Variants in TPMT observed in about 807,000 individuals in gnomAD.
TPMT encodes thiopurine S-methyltransferase, also known as S-adenosyl-L-methionine:thiopurine S-methyltransferase.
TPMT carries 18 observed loss-of-function variants against 34.2 expected under a neutral mutation model. The ratio of observed to expected loss-of-function variants is 0.53; its 90% CI spans 0.36 to 0.78. The LOEUF (loss-of-function observed/expected upper bound fraction) is 0.78, where lower values mean the gene tolerates loss of function less well. Among genes scored for constraint, TPMT ranks in the 30% least tolerant of loss-of-function variants. The pLI is 0.00. For synonymous variants in TPMT, 69 were observed against 92.4 expected (o/e 0.75, Z 1.45); for missense variants, 265 against 288.1 (o/e 0.92, Z 0.58).
Position 18,130,707 on chromosome 6 carries a change from G to A in TPMT, c.699C>T (p.Asp233=). The change falls in exon 9 of 9, where the codon GAC becomes GAT. Residue 233 remains aspartate (D), a synonymous_variant. Transcript: ENST00000309983. The surrounding 1 kb of genome is among the most constrained non-coding windows in gnomAD (Gnocchi z 4.2). ...GTAGATATAACTTTTCAAAAAGACA[G>A]TCAATTCCCCAACTTTTATGTCGTT... The part of the protein sequence containing the change: ...FEERHKSWGI[D]CLFEKLYLLT... 1 of 1,612,964 alleles carries A rather than the reference G, an allele frequency of 6.2e-7. No homozygotes were observed. The highest frequency in any genetic ancestry group is 8.5e-7 in the Non-Finnish European group (1 of 1,179,828).
At position 18,148,572 on chromosome 6, in the gene TPMT, C is replaced by T. The variant is rs576770163; in HGVS notation, c.140+416G>A. Among the ~76,000 whole-genome samples the T allele has an allele frequency of 6.6e-6, 1 of 152,346 alleles. No individual in the cohort carries two copies. Among genetic ancestry groups the T allele is most frequent in the East Asian group, 1.9e-4 (1 of 5,188 alleles). ...TTTATAATTTCTCGCAACTTCTTTT[C>T]TCCCACCATAGAGATAATTCTTTAA... On this transcript the variant is annotated intron_variant, in intron 2 of 8. Transcript: ENST00000309983. The surrounding 1 kb of genome is among the most constrained non-coding windows in gnomAD (Gnocchi z 4.1).
rs760500746 is a variant in TPMT, at chr6:18,136,734, T to C, written c.494+2229A>G. Among the ~76,000 whole-genome samples the C allele has an allele frequency of 2.6e-5, 4 of 152,144 alleles. No individual in the cohort carries two copies. Among genetic ancestry groups the C allele is most frequent in the Non-Finnish European group, 5.9e-5 (4 of 68,024 alleles). ...CTGAGGCAGGAGATTCGCTTGAACC[T>C]GGCAGGCAGAGGTTGCGGTGAGCCG... On this transcript the variant is annotated intron_variant, in intron 6 of 8. Transcript: ENST00000309983. This position sits in a 1 kb window ranked among gnomAD's most constrained non-coding sequence, Gnocchi z 4.7.
At position 18,130,246 on chromosome 6, in the gene TPMT, T is replaced by C. The variant is rs1142346; in HGVS notation, c.*422A>G. 1.6e-5 allele frequency: 3 copies of C among 189,094 alleles called. No homozygotes were observed. Among genetic ancestry groups the C allele is most frequent in the Non-Finnish European group, 2.2e-5 (2 of 92,314 alleles). 11.7% of individuals were successfully genotyped at this position (189,094 alleles called of 1,614,324 possible). On this transcript the variant is annotated 3_prime_UTR_variant, in exon 9 of 9. Transcript: ENST00000309983. This position sits in a 1 kb window ranked among gnomAD's most constrained non-coding sequence, Gnocchi z 4.2. ...GTTGCAGTGAGCTGAGATTGCACCA[T>C]TGCACTCCAGGTTGGGCAACAAGAA... is the stretch of plus-strand genomic sequence containing the variant.
In TPMT at chr6:18,131,000, TG is replaced by T. The variant is rs1014244047; in HGVS notation, c.626-221del. On this transcript the variant is annotated intron_variant, in intron 8 of 8. Transcript: ENST00000309983. The surrounding 1 kb of genome is among the most constrained non-coding windows in gnomAD (Gnocchi z 4.2). ...CTAAAAATACAAAATGAGCTGGGTATGGTGGCACATGCCTGTAATCCCAGCT... is the reference window on the plus strand; with the variant it reads ...CTAAAAATACAAAATGAGCTGGGTATGTGGCACATGCCTGTAATCCCAGCT... Among the ~76,000 whole-genome samples the T allele has an allele frequency of 7.2e-4, 109 of 152,114 alleles. No homozygotes were observed. Among genetic ancestry groups the T allele is most frequent in the African/African-American group, 2.5e-3 (103 of 41,508 alleles).
chr6:18,141,878 G>A (rs568343662), intron 4 of TPMT, among the ~76,000 whole-genome samples: 1 of 152,286 alleles, frequency 6.6e-6, no homozygotes, highest in Admixed American at 6.5e-5. Context: ...AGACATAGAT[G>A]CCGGCAGTTT....
rs143125661 is a variant in TPMT at position 18,149,120 on chromosome 6, C to T, written c.8G>A (p.Gly3Asp). The change falls in exon 2 of 9, where the codon GGT (glycine) becomes GAT (aspartate). Residue 3 changes from glycine to aspartate, a missense_variant. Physicochemically the swap from Gly to Asp is moderately conservative, Grantham distance 94. Transcript: ENST00000309983. The surrounding 1 kb of genome is among the most constrained non-coding windows in gnomAD (Gnocchi z 5.0). ...TTCAATGTCAAGTGAAGTTCTTGTA[C>T]CATCCATAGTTTCAGAGACACCTTT... is the stretch of plus-strand genomic sequence containing the variant. MD[G>D]TRTSLDIEEY... is the part of the protein sequence containing the mutation. 6.2e-6 allele frequency: 10 copies of T among 1,613,952 alleles called. No individual in the cohort carries two copies. Among genetic ancestry groups the T allele is most frequent in the African/African-American group, 1.3e-5 (1 of 74,882 alleles).
In TPMT at chr6:18,147,853, G is replaced by A. The variant is rs1368439131; in HGVS notation, c.203C>T (p.Pro68Leu). The change falls in exon 3 of 9, where the codon CCT becomes CTT. Residue 68 changes from proline to leucine, a missense_variant. Coordinates refer to ENST00000309983, the MANE Select transcript of TPMT (RefSeq NM_000367.5). Reference sequence around the variant, plus strand: ...CATCTCAACCGCTTTTCCGCAAAGAGGAAAAAATACCCTCAGTCCACTCTT... The same window carrying A: ...CATCTCAACCGCTTTTCCGCAAAGAAGAAAAAATACCCTCAGTCCACTCTT... Reference protein sequence around the residue: ...KGKSGLRVFFPLCGKAVEMKW... With the variant: ...KGKSGLRVFFLLCGKAVEMKW... 3 of 1,613,548 alleles carry A rather than the reference G, an allele frequency of 1.9e-6. No homozygotes were observed. The East Asian group carries it at 6.7e-5, about 36-fold the overall frequency.
In TPMT at chr6:18,148,377, C is replaced by G. The variant is rs1016006653; in HGVS notation, c.141-462G>C. Among the ~76,000 whole-genome samples the G allele has an allele frequency of 6.6e-6, 1 of 152,010 alleles. No homozygotes were observed. Among genetic ancestry groups the G allele is most frequent in the East Asian group, 1.9e-4 (1 of 5,174 alleles). ...AGGCCATCCACATGACAGAAATAAC[C>G]CAGTGTTTCTGGTATGATGATGATG... On this transcript the variant is annotated intron_variant, in intron 2 of 8. Coordinates refer to ENST00000309983, the MANE Select transcript of TPMT (RefSeq NM_000367.5). The surrounding 1 kb of genome is among the most constrained non-coding windows in gnomAD (Gnocchi z 4.1).
rs1458938976 is a variant in TPMT, at chr6:18,135,847, C to T, written c.495-1958G>A. On this transcript the variant is annotated intron_variant, in intron 6 of 8. Coordinates refer to ENST00000309983, the MANE Select transcript of TPMT (RefSeq NM_000367.5). This position sits in a 1 kb window ranked among gnomAD's most constrained non-coding sequence, Gnocchi z 5.0. The stretch of plus-strand genomic sequence containing the variant: ...TCATGCCATTGCACTCCAGCCTGGG[C>T]AACAAGAGTGGAACTCCATCTCAAA... Among the ~76,000 whole-genome samples the T allele has an allele frequency of 3.3e-5, 5 of 151,996 alleles. No homozygotes were observed. The highest frequency in any genetic ancestry group is 1.2e-4 in the African/African-American group (5 of 41,378).
rs888021089 is a variant in TPMT at position 18,145,506 on chromosome 6, C to A, written c.234-1778G>T. Among the ~76,000 whole-genome samples the A allele has an allele frequency of 2.6e-5, 4 of 152,032 alleles. No homozygotes were observed. Among genetic ancestry groups the A allele is most frequent in the Admixed American group, 2.6e-4 (4 of 15,240 alleles). On this transcript the variant is annotated intron_variant, in intron 3 of 8. Coordinates refer to ENST00000309983, the MANE Select transcript of TPMT (RefSeq NM_000367.5). This position sits in a 1 kb window ranked among gnomAD's most constrained non-coding sequence, Gnocchi z 5.6. Reference sequence around the variant, plus strand: ...AATTTATTTCATGCTCAAATTTTTCCCTAATATATCAATTGAGTTAGAATT... The same window carrying A: ...AATTTATTTCATGCTCAAATTTTTCACTAATATATCAATTGAGTTAGAATT...
chr6:18,139,839 T>TA lies in TPMT; in HGVS notation c.367-123dup. The TA allele has an allele frequency of 1.5e-6, 1 of 659,956 alleles. No homozygotes were observed. The highest frequency in any genetic ancestry group is 2.6e-6 in the Non-Finnish European group (1 of 379,990). The allele number at this position is 659,956 out of a possible 1,614,324, so 40.9% of individuals were successfully genotyped here. ...AAAGAATGTGTTAATTAAACATAAT[T>TA]AAAGTAAATAATTTTACTGCACTTT... On this transcript the variant is annotated intron_variant, in intron 4 of 8. Transcript: ENST00000309983. The surrounding 1 kb of genome is among the most constrained non-coding windows in gnomAD (Gnocchi z 4.2).
intron 3 of TPMT, among the ~76,000 whole-genome samples, chr6:18,147,111 A>G (rs550288210): frequency 2.2e-3 from 337 of 152,166 alleles, no homozygotes; most frequent in Non-Finnish European, 3.3e-3. Context: ...CTTTTCATAC[A>G]TTCTTTTTTC....
intron 7 of TPMT, among the ~76,000 whole-genome samples, chr6:18,133,410 C>A (rs947884880): frequency 2.0e-5 from 3 of 152,214 alleles, no homozygotes; most frequent in African/African-American, 7.2e-5. Flanking sequence ...CACTTCTCAC[C>A]CCGTGCTTGT....
intron 3 of TPMT, among the ~76,000 whole-genome samples, chr6:18,147,401 G>A (rs1784268623): frequency 6.6e-6 from 1 of 152,206 alleles, no homozygotes; most frequent in African/African-American, 2.4e-5. Context: ...GGAAGGTTGA[G>A]CTGAACTGTG....
chr6:18,154,063 G>A lies in TPMT; in HGVS notation c.-45+970C>T, dbSNP rs989064074. Among the ~76,000 whole-genome samples the A allele has an allele frequency of 4.6e-5, 7 of 152,074 alleles. No individual in the cohort carries two copies. Among genetic ancestry groups the A allele is most frequent in the Admixed American group, 6.6e-5 (1 of 15,266 alleles). ...CTCCTGAGTACCTGGGACTATAAGG[G>A]TGCACCACCATGCCTGGCTAATTTT... On this transcript the variant is annotated intron_variant, in intron 1 of 8. Coordinates refer to ENST00000309983, the MANE Select transcript of TPMT (RefSeq NM_000367.5). This position sits in a 1 kb window ranked among gnomAD's most constrained non-coding sequence, Gnocchi z 4.2.
At position 18,136,085 on chromosome 6, in the gene TPMT, C is replaced by T. The variant is rs556118564; in HGVS notation, c.495-2196G>A. Among the ~76,000 whole-genome samples the T allele has an allele frequency of 2.0e-5, 3 of 152,162 alleles. No individual in the cohort carries two copies. The highest frequency in any genetic ancestry group is 7.2e-5 in the African/African-American group (3 of 41,450). ...GTGCTGGGTCCGCTCTTGGTCTGCA[C>T]GTGGTGACTTTTAGTTTGCTTCCCA... On this transcript the variant is annotated intron_variant, in intron 6 of 8. Transcript: ENST00000309983. This position sits in a 1 kb window ranked among gnomAD's most constrained non-coding sequence, Gnocchi z 4.7.
chr6:18,141,341 T>A (rs916785861), intron 4 of TPMT, among the ~76,000 whole-genome samples: 1 of 143,696 alleles, frequency 7.0e-6, no homozygotes, highest in Non-Finnish European at 1.6e-5. Context: ...GAGCAACAAT[T>A]TTTTTTTTTT....
Position 18,128,765 on chromosome 6 carries a change from G to A in TPMT, c.*1903C>T, listed in dbSNP as rs893305009. The stretch of plus-strand genomic sequence containing the variant: ...GACAGAGTCTTGCTCTGTTGCCCAG[G>A]CTTGCGTGCAGTGGCATGATCTCAG... On this transcript the variant is annotated 3_prime_UTR_variant, in exon 9 of 9. Transcript: ENST00000309983. This position sits in a 1 kb window ranked among gnomAD's most constrained non-coding sequence, Gnocchi z 4.6. 10 of 152,270 alleles carry A rather than the reference G, an allele frequency of 6.6e-5. No individual in the cohort carries two copies. Among genetic ancestry groups the A allele is most frequent in the African/African-American group, 2.4e-4 (10 of 41,364 alleles). 9.4% of individuals were successfully genotyped at this position (152,270 alleles called of 1,614,324 possible). A position where few individuals can be genotyped will look rare whatever the true frequency, so the allele number is the denominator to read the frequency against.
At position 18,132,197 on chromosome 6, in the gene TPMT, A is replaced by C. The variant is rs779113592; in HGVS notation, c.581-20T>G. 1 of 1,612,870 alleles carries C rather than the reference A, an allele frequency of 6.2e-7. No individual in the cohort carries two copies. On this transcript the variant is annotated intron_variant, in intron 7 of 8. Coordinates refer to ENST00000309983, the MANE Select transcript of TPMT (RefSeq NM_000367.5). This position sits in a 1 kb window ranked among gnomAD's most constrained non-coding sequence, Gnocchi z 4.8. Reference sequence around the variant, plus strand: ...GTGGACCTAGGTAAAAGAGAAATAAATTCTGAGTTTATTTCCAATGACGTA... The same window carrying C: ...GTGGACCTAGGTAAAAGAGAAATAACTTCTGAGTTTATTTCCAATGACGTA...
Sources: allele counts gnomAD v4.1 joint callset (sites outside exome capture counted in the v4.1 genomes callset), GRCh38; gene constraint gnomAD v4.1.1; non-coding constraint Gnocchi (gnomAD v3.1); transcripts MANE v1.5; gene names NCBI Gene and HGNC (gene_info 2026-07-23, HGNC 2026-07-21).